Variants in PRTG observed in about 807,000 individuals in gnomAD.
PRTG encodes the protein immunoglobulin superfamily, DCC subclass, member 5.
Under a neutral mutation model 122.5 loss-of-function variants are expected in PRTG, and 67 were observed. That is an observed-to-expected ratio of 0.55 (90% CI 0.45 to 0.67). The LOEUF (loss-of-function observed/expected upper bound fraction) is 0.67. Ranked by LOEUF, PRTG falls within the 30% of genes least tolerant of loss-of-function variation. The probability of loss-of-function intolerance (pLI) is 0.00; values close to 1 mark genes in which losing one functional copy is unlikely to be tolerated. For missense variants in PRTG, 1,435 were observed against 1,415.4 expected, an observed-to-expected ratio of 1.01 and a Z score of -0.22; for synonymous variants, 554 against 501.1, an observed-to-expected ratio of 1.11 and a Z score of -1.41.
At chr15:55,641,246 C>A in intron 11 of PRTG, 38 bp from the exon 12 acceptor site, 1 of 1,460,398 alleles carries the variant, frequency 6.8e-7, no homozygotes. Context: ...AGGACCAGGT[C>A]TCTAGATCTG....
intron 2 of PRTG, among the ~76,000 whole-genome samples, chr15:55,726,950 CAAA>C (rs55954392): frequency 6.0e-5 from 8 of 133,476 alleles, no homozygotes; most frequent in Admixed American, 7.5e-5. Context: ...GAGTCCGTCT[CAAA>C]AAAAAAAAAA....
chr15:55,634,063 C>CTCT (rs2059242822), intron 15 of PRTG, among the ~76,000 whole-genome samples: 1 of 73,852 alleles, frequency 1.4e-5, no homozygotes, highest in African/African-American at 4.5e-5. Context: ...ATATACATTG[C>CTCT]TTTTTTTTTT....
intron 1 of PRTG, among the ~76,000 whole-genome samples, chr15:55,741,823 G>T (rs562195921): frequency 6.6e-6 from 1 of 152,220 alleles, no homozygotes; most frequent in African/African-American, 2.4e-5. Flanking sequence ...AGCGCTGTGC[G>T]CGGACCACTC....
chr15:55,639,813 A>G lies in PRTG; in HGVS notation c.2153T>C (p.Met718Thr). The part of the protein sequence containing the change: ...TPGCVSVRDR[M>T]VPPPPPPHHL... ...GTGGGGTGGTGGTGGAGGAGGGACC[A>G]TGCGATCACGAACAGCTATTGAGAA... is the stretch of plus-strand genomic sequence containing the variant. Residue 718 changes from methionine to threonine, a missense_variant, in exon 13 of 20, where the codon ATG becomes ACG. Met to Thr is a moderately conservative substitution (Grantham distance 81, BLOSUM62 -1). Transcript: ENST00000389286. 1.9e-6 allele frequency: 3 copies of G among 1,614,064 alleles called. No individual in the cohort carries two copies. The highest frequency in any genetic ancestry group is 2.2e-5 in the South Asian group (2 of 91,040).
intron 2 of PRTG, among the ~76,000 whole-genome samples, chr15:55,708,619 A>T (rs1293004336): frequency 6.6e-6 from 1 of 152,008 alleles, no homozygotes; most frequent in Non-Finnish European, 1.5e-5. Context: ...AAAATAAATA[A>T]AGTGAAACCA....
chr15:55,623,159 T>C (rs2059175989), intron 18 of PRTG, among the ~76,000 whole-genome samples: 1 of 152,342 alleles, frequency 6.6e-6, no homozygotes, highest in East Asian at 1.9e-4. Flanking sequence ...TAACAGGGTT[T>C]GGCAAACTTT....
intron 2 of PRTG, 72 bp downstream of exon 2, chr15:55,740,305 TTATTA>T: frequency 7.5e-7 from 1 of 1,336,402 alleles, no homozygotes; most frequent in Non-Finnish European, 1.0e-6. Flanking sequence ...ATTCGGGGGA[TTATTA>T]TATTAATAAA....
At chr15:55,658,964 G>A (rs1469532646) in intron 11 of PRTG, among the ~76,000 whole-genome samples, 2 of 152,150 alleles carry the variant, frequency 1.3e-5, no homozygotes, top group African/African-American at 4.8e-5. Flanking sequence ...GTGATAATCA[G>A]GCAAAATGTG....
chr15:55,656,315 C>T lies in PRTG; in HGVS notation c.2042-15107G>A, dbSNP rs547368480. On this transcript the variant is annotated intron_variant, in intron 11 of 19. Coordinates refer to ENST00000389286, the MANE Select transcript of PRTG (RefSeq NM_173814.6). ...TTGAGCTGTTTTGTGGAATGTCTCA[C>T]AATCCGGACTTATCTGATGGTTTCA... 240 of 454,320 alleles carry T rather than the reference C, an allele frequency of 5.3e-4. 1 individual carries two copies. The highest frequency in any genetic ancestry group is 4.6e-3 in the African/African-American group (230 of 50,102). 28.1% of individuals were successfully genotyped at this position (454,320 alleles called of 1,614,324 possible).
intron 1 of PRTG, chr15:55,742,195 C>G (rs1252837990): frequency 6.6e-6 from 1 of 152,388 alleles, no homozygotes; most frequent in East Asian, 1.9e-4. Context: ...GACTTTTCCC[C>G]CCTCCTTTCC....
chr15:55,721,539 C>T (rs1025810004), intron 2 of PRTG, among the ~76,000 whole-genome samples: 1 of 152,180 alleles, frequency 6.6e-6, no homozygotes, highest in Non-Finnish European at 1.5e-5. Context: ...TTTCTTACTA[C>T]TATGCTTTCG....
At chr15:55,696,715 C>A (rs1421596104) in intron 2 of PRTG, among the ~76,000 whole-genome samples, 1 of 152,158 alleles carries the variant, frequency 6.6e-6, no homozygotes, top group East Asian at 1.9e-4. Context: ...GGTGTCAACT[C>A]CTCTGTACAA....
intron 2 of PRTG, among the ~76,000 whole-genome samples, chr15:55,701,040 T>C (rs1042720941): frequency 6.6e-6 from 1 of 152,190 alleles, no homozygotes; most frequent in Non-Finnish European, 1.5e-5. Context: ...CTCATACTTA[T>C]AGAGAAATGC....
intron 2 of PRTG, among the ~76,000 whole-genome samples, chr15:55,717,363 G>GT: frequency 6.6e-6 from 1 of 152,128 alleles, no homozygotes; most frequent in East Asian, 1.9e-4. Context: ...GAAGCCTCAG[G>GT]AAGAAAAGGC....
chr15:55,740,692 G>C lies in PRTG; in HGVS notation c.95-8C>G, dbSNP rs1567123218. 6.3e-7 allele frequency: 1 copy of C among 1,580,782 alleles called. No homozygotes were observed. The highest frequency in any genetic ancestry group is 1.2e-5 in the South Asian group (1 of 85,586). On this transcript the variant is annotated splice_region_variant and splice_polypyrimidine_tract_variant and intron_variant, in intron 1 of 19. Coordinates refer to ENST00000389286, the MANE Select transcript of PRTG (RefSeq NM_173814.6). ...CGCTAAAGCACCACACTCCTATAAG[G>C]AAAAAAAAGGAGAACGGCACATCCA...
At chr15:55,706,804 G>A (rs1335629810) in intron 2 of PRTG, among the ~76,000 whole-genome samples, 1 of 152,024 alleles carries the variant, frequency 6.6e-6, no homozygotes, top group African/African-American at 2.4e-5. Context: ...GCGAGGCAGG[G>A]TAGAGACACA....
intron 2 of PRTG, among the ~76,000 whole-genome samples, chr15:55,688,443 C>T (rs2059582503): frequency 6.6e-6 from 1 of 152,130 alleles, no homozygotes; most frequent in South Asian, 2.1e-4. Context: ...GCTGTTGCTG[C>T]TGATTCCCCT....
rs762579520 is a variant in PRTG, at chr15:55,675,547, G to C, written c.1518C>G (p.Asp506Glu). 21 of 1,611,798 alleles carry C rather than the reference G, an allele frequency of 1.3e-5. No individual in the cohort carries two copies. Among genetic ancestry groups the C allele is most frequent in the Non-Finnish European group, 2.5e-6 (3 of 1,178,608 alleles). The change falls in exon 9 of 20, where the codon GAC (aspartate) becomes GAG (glutamate). Residue 506 changes from aspartate (D) to glutamate (E), a missense_variant. By Grantham distance (45) the Asp-to-Glu change is conservative (BLOSUM62 2). Coordinates refer to ENST00000389286, the MANE Select transcript of PRTG (RefSeq NM_173814.6). ...YMPMGASQMS[D>E]HVTQNTLEDV... ...CCTCTAGAGTATTCTGTGTCACATG[G>C]TCAGACATCTGGCTGGCTCCCATTG...
chr15:55,630,106 C>T (rs1056867176), intron 15 of PRTG, among the ~76,000 whole-genome samples: 9 of 152,122 alleles, frequency 5.9e-5, no homozygotes, highest in African/African-American at 1.9e-4. Flanking sequence ...CCCGCCTCAG[C>T]CTCCTGAGTA....
Sources: allele counts gnomAD v4.1 joint callset (sites outside exome capture counted in the v4.1 genomes callset), GRCh38; gene constraint gnomAD v4.1.1; transcripts MANE v1.5; gene names NCBI Gene and HGNC (gene_info 2026-07-23, HGNC 2026-07-21).